Variants in PTGR3 observed in about 807,000 individuals in gnomAD.
PTGR3 encodes the protein zinc binding alcohol dehydrogenase domain containing 2.
At chr18:75,198,295 A>G in the PTGR3 span, 1 of 152,240 alleles carries the variant, frequency 6.6e-6, no homozygotes, top group Non-Finnish European at 1.5e-5. Flanking sequence ...CATCCTCATT[A>G]GCTGGAATGT....
the PTGR3 span, among the ~76,000 whole-genome samples, chr18:75,204,829 C>T: frequency 6.6e-6 from 1 of 152,132 alleles, no homozygotes; most frequent in African/African-American, 2.4e-5. Flanking sequence ...CGCGCAGCTC[C>T]GCCTGGGTGG....
the PTGR3 span, chr18:75,202,144 G>A: frequency 1.4e-5 from 23 of 1,614,140 alleles, no homozygotes; most frequent in Non-Finnish European, 1.6e-5. Context: ...ATGCTGGCAG[G>A]CACAACTGTG....
chr18:75,206,643 C>T, the PTGR3 span, among the ~76,000 whole-genome samples: 2 of 152,050 alleles, frequency 1.3e-5, no homozygotes, highest in Admixed American at 6.5e-5. Context: ...GTAGGGAAAG[C>T]GGGAGGCAAA....
chr18:75,206,777 C>A, the PTGR3 span, among the ~76,000 whole-genome samples: 1 of 152,162 alleles, frequency 6.6e-6, no homozygotes, highest in African/African-American at 2.4e-5. Context: ...GGATTCTTGG[C>A]GTGTGTGCAG....
At chr18:75,204,232 G>A in the PTGR3 span, among the ~76,000 whole-genome samples, 2 of 152,224 alleles carry the variant, frequency 1.3e-5, no homozygotes, top group Non-Finnish European at 2.9e-5. Flanking sequence ...GCCCTGGGGG[G>A]CTCTGCAAGG....
chr18:75,199,767 C>T, the PTGR3 span: 1 of 152,644 alleles, frequency 6.6e-6, no homozygotes, highest in Non-Finnish European at 1.5e-5. Context: ...TGGCAATAGC[C>T]TCTAGTGCTA....
chr18:75,208,628 TTCGGTGGCA>T, the PTGR3 span: 1 of 600,544 alleles, frequency 1.7e-6, no homozygotes, highest in Non-Finnish European at 2.1e-6. Context: ...TATGAGGACG[TTCGGTGGCA>T]TCGGATATTC....
At chr18:75,202,230 A>G in the PTGR3 span, 1 of 1,614,178 alleles carries the variant, frequency 6.2e-7, no homozygotes. Flanking sequence ...AGAGAGGCCT[A>G]GGGCCACCAC....
chr18:75,207,361 T>G, the PTGR3 span, among the ~76,000 whole-genome samples: 1 of 152,248 alleles, frequency 6.6e-6, no homozygotes, highest in Non-Finnish European at 1.5e-5. Flanking sequence ...TCTTGCCCGT[T>G]AAAGTTTGTT....
At chr18:75,206,095 GA>G in the PTGR3 span, among the ~76,000 whole-genome samples, 4 of 152,332 alleles carry the variant, frequency 2.6e-5, no homozygotes, top group Non-Finnish European at 5.9e-5. Flanking sequence ...ACTGAGCATA[GA>G]GGGGGAGATG....
chr18:75,207,543 T>C, the PTGR3 span, among the ~76,000 whole-genome samples: 1 of 152,088 alleles, frequency 6.6e-6, no homozygotes, highest in African/African-American at 2.4e-5. Flanking sequence ...CTCTGCTGTG[T>C]CCACAGCCAA....
chr18:75,201,191 G>A, the PTGR3 span: 5 of 535,454 alleles, frequency 9.3e-6, no homozygotes, highest in East Asian at 9.0e-5. Context: ...GAATGTAAGC[G>A]TTTTCCCTCT....
the PTGR3 span, among the ~76,000 whole-genome samples, chr18:75,205,806 G>C: frequency 6.6e-6 from 1 of 151,982 alleles, no homozygotes; most frequent in African/African-American, 2.4e-5. Flanking sequence ...AAAAAAAGCG[G>C]GGGGGAGGGG....
the PTGR3 span, among the ~76,000 whole-genome samples, chr18:75,203,351 G>A: frequency 6.6e-6 from 1 of 152,148 alleles, no homozygotes; most frequent in African/African-American, 2.4e-5. Flanking sequence ...ACCTGTAATA[G>A]AATGAAAAGG....
the PTGR3 span, chr18:75,196,657 A>AAAAAAAAAAAAAG: frequency 1.6e-5 from 2 of 128,040 alleles, no homozygotes; most frequent in African/African-American, 3.0e-5. Context: ...AAAAAAAAAA[A>AAAAAAAAAAAAAG]GTCTGTACTT....
the PTGR3 span, chr18:75,208,991 T>A: frequency 2.5e-6 from 4 of 1,594,530 alleles, no homozygotes; most frequent in Non-Finnish European, 2.6e-6. Context: ...GCCCTGGAAG[T>A]CCAGGAAGTG....
At chr18:75,207,978 G>A in the PTGR3 span, among the ~76,000 whole-genome samples, 1,217 of 151,960 alleles carry the variant, frequency 8.0e-3, 18 homozygotes, top group African/African-American at 0.028. Flanking sequence ...CAGTCAAGTC[G>A]GGCAGCCAGG....
the PTGR3 span, chr18:75,199,591 C>T: frequency 6.6e-6 from 1 of 152,418 alleles, no homozygotes; most frequent in Non-Finnish European, 1.5e-5. Flanking sequence ...AAGTCTCTTT[C>T]CGTGTGGCTG....
chr18:75,196,236 GT>G, the PTGR3 span: 17 of 152,186 alleles, frequency 1.1e-4, no homozygotes, highest in African/African-American at 4.1e-4. Flanking sequence ...TGTGCAGGAT[GT>G]TTTAATTATT....
Sources: allele counts gnomAD v4.1 joint callset (sites outside exome capture counted in the v4.1 genomes callset), GRCh38; gene constraint gnomAD v4.1.1; transcripts MANE v1.5; gene names NCBI Gene and HGNC (gene_info 2026-07-23, HGNC 2026-07-21).